DLGAP2: variants seen among roughly 807,000 people sequenced by gnomAD.
The protein encoded by DLGAP2 is disks large-associated protein 2.
In DLGAP2, 26 loss-of-function variants were observed where a neutral mutation model predicts 100.3. The observed-to-expected ratio is 0.26, with a 90% confidence interval of 0.19 to 0.36. The LOEUF is 0.36. Among genes scored for constraint, DLGAP2 ranks in the 10% least tolerant of loss-of-function variants. DLGAP2 has a pLI of 1.00. For missense variants in DLGAP2, 1,858 were observed against 1,453.2 expected, an observed-to-expected ratio of 1.28 and a Z score of -4.53; for synonymous variants, 886 against 630.1, an observed-to-expected ratio of 1.41 and a Z score of -6.08.
At chr8:1,682,503 C>T (rs951166625) in intron 12 of DLGAP2, among the ~76,000 whole-genome samples, 13 of 149,826 alleles carry the variant, frequency 8.7e-5, no homozygotes, top group African/African-American at 3.2e-4. Flanking sequence ...GAGAGGGAGT[C>T]TTGCTCTTTC....
intron 3 of DLGAP2, among the ~76,000 whole-genome samples, chr8:1,349,858 G>T (rs1017431175): frequency 3.3e-5 from 5 of 152,220 alleles, no homozygotes; most frequent in Non-Finnish European, 5.9e-5. Context: ...AATAAATTCT[G>T]TACCTCAGTT....
At chr8:1,331,077 G>C (rs924624214) in intron 3 of DLGAP2, among the ~76,000 whole-genome samples, 2 of 152,198 alleles carry the variant, frequency 1.3e-5, no homozygotes, top group Non-Finnish European at 2.9e-5. Context: ...AGGACGGGCT[G>C]CTCCTAGCTG....
chr8:951,459 C>A (rs961659574), intron 2 of DLGAP2, among the ~76,000 whole-genome samples: 1 of 152,112 alleles, frequency 6.6e-6, no homozygotes, highest in South Asian at 2.1e-4. Context: ...CCATGTTGGC[C>A]AGGTGGGTCT....
intron 12 of DLGAP2, among the ~76,000 whole-genome samples, chr8:1,679,971 C>T (rs1267083289): frequency 5.4e-5 from 6 of 110,440 alleles, no homozygotes; most frequent in Non-Finnish European, 8.4e-5. Context: ...CAGAATGAGA[C>T]TCTGTCTCAA....
intron 4 of DLGAP2, among the ~76,000 whole-genome samples, chr8:1,511,460 G>T (rs895817524): frequency 6.6e-6 from 1 of 150,830 alleles, no homozygotes; most frequent in Non-Finnish European, 1.5e-5. Context: ...GGACGTAAGG[G>T]CTGTCTAGTG....
intron 2 of DLGAP2, among the ~76,000 whole-genome samples, chr8:1,225,054 C>G (rs549564304): frequency 1.3e-4 from 20 of 152,312 alleles, no homozygotes; most frequent in Non-Finnish European, 2.5e-4. Flanking sequence ...TCCACAAAAA[C>G]TTAAAATGGA....
intron 5 of DLGAP2, among the ~76,000 whole-genome samples, chr8:1,554,694 A>G (rs2130537504): frequency 6.6e-6 from 1 of 152,168 alleles, no homozygotes; most frequent in East Asian, 1.9e-4. Flanking sequence ...TGCTGGCTTG[A>G]GCATAAGGGT....
intron 6 of DLGAP2, among the ~76,000 whole-genome samples, chr8:1,574,017 T>C (rs184681413): frequency 1.4e-4 from 21 of 152,164 alleles, no homozygotes; most frequent in Middle Eastern, 6.8e-3. Flanking sequence ...TCCAGGCTTG[T>C]CTCCCTGCAG....
chr8:1,285,713 A>G (rs564004460), intron 3 of DLGAP2, among the ~76,000 whole-genome samples: 2 of 152,340 alleles, frequency 1.3e-5, no homozygotes, highest in Admixed American at 1.3e-4. Flanking sequence ...TCATGCCTGT[A>G]ATCCCAATAC....
chr8:1,548,869 GCTCGGTGCA>G lies in DLGAP2; in HGVS notation c.422_430del (p.Val141_Ser143del), dbSNP rs1214912644. 2 of 1,592,282 alleles carry G rather than the reference GCTCGGTGCA, an allele frequency of 1.3e-6. No homozygotes were observed. The highest frequency in any genetic ancestry group is 1.7e-5 in the Admixed American group (1 of 59,480). On this transcript the variant is annotated inframe_deletion, in exon 5 of 15. Coordinates refer to ENST00000637795, the MANE Select transcript of DLGAP2 (RefSeq NM_001346810.2). Reference sequence around the variant, plus strand: ...GGGCGCCACCGCTGCTCGCCGCGCAGCTCGGTGCACTCGGAGTGCGTGATGATGCCGGTG... The same window carrying G: ...GGGCGCCACCGCTGCTCGCCGCGCAGCTCGGAGTGCGTGATGATGCCGGTG...
chr8:890,192 C>T (rs1287407928), intron 1 of DLGAP2, among the ~76,000 whole-genome samples: 1 of 152,148 alleles, frequency 6.6e-6, no homozygotes, highest in South Asian at 2.1e-4. Flanking sequence ...TTCTAGTCAG[C>T]CATCTCGGCC....
At chr8:1,200,816 T>G (rs4593570) in intron 2 of DLGAP2, among the ~76,000 whole-genome samples, 24,528 of 152,066 alleles carry the variant, frequency 0.16, 2,121 homozygotes, top group Middle Eastern at 0.32. Flanking sequence ...GAATGGAGAG[T>G]GGCAGCTTTC....
intron 2 of DLGAP2, among the ~76,000 whole-genome samples, chr8:1,047,233 T>C (rs1285194084): frequency 2.0e-5 from 3 of 152,206 alleles, no homozygotes; most frequent in African/African-American, 4.8e-5. Context: ...AAAGGAAACA[T>C]ACAATATGCA....
intron 3 of DLGAP2, among the ~76,000 whole-genome samples, chr8:1,377,099 C>G (rs1795962841): frequency 6.6e-6 from 1 of 152,210 alleles, no homozygotes; most frequent in Non-Finnish European, 1.5e-5. Context: ...CAGGGAGCTT[C>G]CAGATAGGCG....
At chr8:1,690,914 C>A (rs903115853) in intron 12 of DLGAP2, among the ~76,000 whole-genome samples, 1 of 151,966 alleles carries the variant, frequency 6.6e-6, no homozygotes, top group Non-Finnish European at 1.5e-5. Flanking sequence ...ACTTGTGACC[C>A]TTTTACCATC....
At chr8:1,213,884 A>C (rs1447756716) in intron 2 of DLGAP2, among the ~76,000 whole-genome samples, 1 of 152,156 alleles carries the variant, frequency 6.6e-6, no homozygotes, top group Admixed American at 6.5e-5. Flanking sequence ...ACTCCGCCCC[A>C]TCACTCGGGT....
At chr8:1,216,857 G>C (rs1489249989) in intron 2 of DLGAP2, among the ~76,000 whole-genome samples, 1 of 152,170 alleles carries the variant, frequency 6.6e-6, no homozygotes, top group African/African-American at 2.4e-5. Flanking sequence ...TTGGGGGAAA[G>C]TAATTTACAA....
chr8:1,123,163 T>C (rs1293202271), intron 2 of DLGAP2, among the ~76,000 whole-genome samples: 1 of 152,244 alleles, frequency 6.6e-6, no homozygotes, highest in Non-Finnish European at 1.5e-5. Flanking sequence ...TTTGACAATT[T>C]TGTGAATTAT....
intron 3 of DLGAP2, among the ~76,000 whole-genome samples, chr8:1,392,531 C>G (rs1269108645): frequency 6.6e-6 from 1 of 152,208 alleles, no homozygotes; most frequent in Non-Finnish European, 1.5e-5. Flanking sequence ...GAGAATGCAA[C>G]TAAGTGAAAG....
Sources: allele counts gnomAD v4.1 joint callset (sites outside exome capture counted in the v4.1 genomes callset), GRCh38; gene constraint gnomAD v4.1.1; transcripts MANE v1.5; gene names NCBI Gene and HGNC (gene_info 2026-07-23, HGNC 2026-07-21).